TBC1D12: variants seen among roughly 807,000 people sequenced by gnomAD.
The protein encoded by TBC1D12 is TBC1 domain family member 12.
In TBC1D12, 56 loss-of-function variants were observed where a neutral mutation model predicts 86.7. The observed-to-expected ratio is 0.65, with a 90% CI of 0.52 to 0.81. TBC1D12 has a LOEUF of 0.81. TBC1D12 is among the 30% of genes least tolerant of loss of function. The pLI, the probability that TBC1D12 is intolerant of heterozygous loss-of-function variation, is 0.00. For missense variants in TBC1D12, 1,023 were observed against 1,038.8 expected (o/e 0.98, Z 0.21); for synonymous variants, 421 against 411.7 (o/e 1.02, Z -0.27).
intron 1 of TBC1D12, among the ~76,000 whole-genome samples, chr10:94,405,836 G>C (rs1042017411): frequency 6.7e-6 from 1 of 150,136 alleles, no homozygotes; most frequent in African/African-American, 2.5e-5. Flanking sequence ...TTGAGATGGA[G>C]TTTCCCTCTT....
intron 9 of TBC1D12, among the ~76,000 whole-genome samples, chr10:94,521,238 C>CAAAAAAAAAAAAAAAAACA (rs398038539): frequency 7.3e-5 from 9 of 122,760 alleles, no homozygotes; most frequent in African/African-American, 9.1e-5. Context: ...AAAAAAAAAA[C>CAAAAAAAAAAAAAAAAACA]AAAAAAAAAA....
chr10:94,462,394 T>C (rs1228271658), intron 2 of TBC1D12, among the ~76,000 whole-genome samples: 8 of 152,198 alleles, frequency 5.3e-5, no homozygotes, highest in Non-Finnish European at 1.2e-4. Flanking sequence ...GTAGTACCCC[T>C]GGCCTCTAGG....
intron 2 of TBC1D12, among the ~76,000 whole-genome samples, chr10:94,445,110 C>T (rs1000154262): frequency 1.3e-5 from 2 of 149,370 alleles, no homozygotes; most frequent in African/African-American, 2.5e-5. Flanking sequence ...CCTGTAATCC[C>T]AGCACTTTGG....
intron 1 of TBC1D12, among the ~76,000 whole-genome samples, chr10:94,433,634 T>C (rs2055250064): frequency 6.6e-6 from 1 of 152,196 alleles, no homozygotes; most frequent in Admixed American, 6.5e-5. Context: ...AGGCCCTTTA[T>C]AGAATTCTGC....
At chr10:94,473,880 T>C (rs573483106) in intron 2 of TBC1D12, among the ~76,000 whole-genome samples, 134 of 152,330 alleles carry the variant, frequency 8.8e-4, no homozygotes, top group African/African-American at 2.6e-3. Flanking sequence ...TTAATTAGAA[T>C]TATCAGGTTG....
At chr10:94,465,719 C>T (rs1003039354) in intron 2 of TBC1D12, among the ~76,000 whole-genome samples, 4 of 145,856 alleles carry the variant, frequency 2.7e-5, no homozygotes, top group Non-Finnish European at 6.0e-5. Flanking sequence ...TATACGTATA[C>T]ATACATACAT....
intron 6 of TBC1D12, among the ~76,000 whole-genome samples, chr10:94,506,469 A>AT (rs756454965): frequency 6.6e-6 from 1 of 152,166 alleles, no homozygotes; most frequent in African/African-American, 2.4e-5. Flanking sequence ...GGCAAGACGT[A>AT]TTTTTTCTAT....
chr10:94,504,146 A>G (rs926332333), intron 6 of TBC1D12, among the ~76,000 whole-genome samples: 2 of 152,226 alleles, frequency 1.3e-5, no homozygotes, highest in Admixed American at 1.3e-4. Context: ...GAATTTTTGA[A>G]CATACTGTAA....
intron 1 of TBC1D12, among the ~76,000 whole-genome samples, chr10:94,433,727 C>G (rs867484307): frequency 6.6e-6 from 1 of 152,184 alleles, no homozygotes; most frequent in Non-Finnish European, 1.5e-5. Context: ...CCGTCTGCTG[C>G]TATGTCTGTT....
chr10:94,449,014 G>T (rs2055511469), intron 2 of TBC1D12, among the ~76,000 whole-genome samples: 1 of 152,068 alleles, frequency 6.6e-6, no homozygotes, highest in Non-Finnish European at 1.5e-5. Flanking sequence ...CTATGCTTCT[G>T]GGAGAAGGGA....
At chr10:94,512,633 CAAAT>C (rs1201582805) in intron 9 of TBC1D12, among the ~76,000 whole-genome samples, 3 of 152,078 alleles carry the variant, frequency 2.0e-5, no homozygotes, top group South Asian at 2.1e-4. Context: ...AAACAACAAA[CAAAT>C]AAGTAAATCA....
chr10:94,521,913 T>C, intron 9 of TBC1D12, 42 bp from the exon 10 acceptor site: 1 of 1,520,978 alleles, frequency 6.6e-7, no homozygotes, highest in Non-Finnish European at 8.9e-7. Flanking sequence ...TATAGATTTA[T>C]TATTGTAAGT....
At chr10:94,491,806 A>ACT in intron 3 of TBC1D12, among the ~76,000 whole-genome samples, 3 of 108,526 alleles carry the variant, frequency 2.8e-5, no homozygotes, top group Admixed American at 9.6e-5. Context: ...TTATTTTATT[A>ACT]GTAATGCCCC....
At chr10:94,523,205 A>AAAC (rs1228874655) in intron 11 of TBC1D12, among the ~76,000 whole-genome samples, 24 of 149,712 alleles carry the variant, frequency 1.6e-4, no homozygotes, top group African/African-American at 5.4e-4. Context: ...AAAAAAAAAA[A>AAAC]AAAAAAAAAA....
intron 7 of TBC1D12, 78 bp from the exon 8 acceptor site, chr10:94,510,013 G>A: frequency 1.0e-6 from 1 of 956,312 alleles, no homozygotes; most frequent in Non-Finnish European, 1.6e-6. Flanking sequence ...CACATGCTGT[G>A]TGATCATTCT....
chr10:94,460,220 A>G (rs1289404157), intron 2 of TBC1D12, among the ~76,000 whole-genome samples: 1 of 152,210 alleles, frequency 6.6e-6, no homozygotes, highest in Non-Finnish European at 1.5e-5. Context: ...AGCGTGGGTG[A>G]CAGAACAAGA....
chr10:94,460,858 C>T (rs79422212), intron 2 of TBC1D12, among the ~76,000 whole-genome samples: 4,443 of 152,098 alleles, frequency 0.029, 102 homozygotes, highest in South Asian at 0.044. Flanking sequence ...TCAGCCATGT[C>T]CAATTTACTA....
intron 1 of TBC1D12, among the ~76,000 whole-genome samples, chr10:94,431,222 C>T (rs1274968223): frequency 6.6e-6 from 1 of 151,994 alleles, no homozygotes; most frequent in Non-Finnish European, 1.5e-5. Flanking sequence ...CGAGACCAGC[C>T]TGGCCAACAT....
intron 3 of TBC1D12, among the ~76,000 whole-genome samples, chr10:94,483,811 T>C (rs2056117427): frequency 6.6e-6 from 1 of 152,214 alleles, no homozygotes; most frequent in African/African-American, 2.4e-5. Flanking sequence ...ATTTATGCTA[T>C]GGTTGCCTGT....
Sources: allele counts gnomAD v4.1 joint callset (sites outside exome capture counted in the v4.1 genomes callset), GRCh38; gene constraint gnomAD v4.1.1; transcripts MANE v1.5; gene names NCBI Gene and HGNC (gene_info 2026-07-23, HGNC 2026-07-21).